The following TMPRSS15 variants were observed in gnomAD, a reference collection of about 807,000 sequenced individuals.
The protein encoded by TMPRSS15 is transmembrane serine protease 15, also known as enteropeptidase.
A neutral mutation model predicts 125.3 loss-of-function variants in TMPRSS15; 128 were observed. That is an observed-to-expected ratio of 1.02 (90% confidence interval 0.89 to 1.18). TMPRSS15 has a LOEUF of 1.18. Among genes scored for constraint, TMPRSS15 ranks in the 50% most tolerant of loss-of-function variants. The pLI is 0.00. For synonymous variants in TMPRSS15, 446 were observed against 423.2 expected (o/e 1.05, Z -0.66); for missense variants, 1,283 against 1,212.7 (o/e 1.06, Z -0.86).
intron 1 of TMPRSS15, among the ~76,000 whole-genome samples, chr21:18,448,107 T>C (rs929494948): frequency 6.6e-6 from 1 of 152,170 alleles, no homozygotes; most frequent in African/African-American, 2.4e-5. Flanking sequence ...GTAATACCAA[T>C]AAACGTATAT....
At chr21:18,353,906 T>TG (rs761716121) in intron 8 of TMPRSS15, 43 bp from the exon 9 acceptor site, 4 of 1,564,948 alleles carry the variant, frequency 2.6e-6, no homozygotes, top group Non-Finnish European at 3.5e-6. Context: ...TATATCTATC[T>TG]GTTCATCTCT....
intron 1 of TMPRSS15, among the ~76,000 whole-genome samples, chr21:18,427,006 C>T (rs1046749783): frequency 2.0e-5 from 3 of 152,064 alleles, no homozygotes; most frequent in Admixed American, 6.6e-5. Context: ...GTGATTAATC[C>T]CTTTTGGTGT....
At chr21:18,356,010 T>A (rs889467329) in intron 8 of TMPRSS15, among the ~76,000 whole-genome samples, 9 of 151,998 alleles carry the variant, frequency 5.9e-5, no homozygotes, top group African/African-American at 1.7e-4. Context: ...AAAGGATGAC[T>A]TTTTTCCTAT....
At chr21:18,480,967 T>C (rs1240630413) in intron 1 of TMPRSS15, among the ~76,000 whole-genome samples, 2 of 151,886 alleles carry the variant, frequency 1.3e-5, no homozygotes, top group Middle Eastern at 3.4e-3. Flanking sequence ...CTAATCAACA[T>C]TGAGTCATTG....
chr21:18,470,119 T>C (rs1216138318), intron 1 of TMPRSS15, among the ~76,000 whole-genome samples: 1 of 152,108 alleles, frequency 6.6e-6, no homozygotes, highest in African/African-American at 2.4e-5. Flanking sequence ...TCAGGAATAC[T>C]GGAGCAAGTC....
At chr21:18,359,544 G>A (rs1279027398) in intron 8 of TMPRSS15, among the ~76,000 whole-genome samples, 1 of 146,308 alleles carries the variant, frequency 6.8e-6, no homozygotes, top group African/African-American at 2.4e-5. Flanking sequence ...TATTAATTAG[G>A]AGAGGACAAT....
intron 21 of TMPRSS15, among the ~76,000 whole-genome samples, chr21:18,293,051 T>G (rs2074857917): frequency 6.6e-6 from 1 of 152,150 alleles, no homozygotes; most frequent in Admixed American, 6.5e-5. Context: ...TTGGCAAACC[T>G]GAGAGCTAGT....
chr21:18,414,547 T>C (rs955753763), intron 1 of TMPRSS15, among the ~76,000 whole-genome samples: 1 of 152,226 alleles, frequency 6.6e-6, no homozygotes, highest in Non-Finnish European at 1.5e-5. Context: ...CATTATTGTA[T>C]TGTCTGCTTC....
intron 16 of TMPRSS15, among the ~76,000 whole-genome samples, chr21:18,315,473 G>A (rs79798227): frequency 7.0e-5 from 5 of 71,138 alleles, no homozygotes; most frequent in South Asian, 6.7e-4. Flanking sequence ...CACATGTACC[G>A]TAGAACTTAA....
Position 18,315,274 on chromosome 21 carries a change from T to C in TMPRSS15, c.1922-18A>G. 1 of 1,587,898 alleles carries C rather than the reference T, an allele frequency of 6.3e-7. No individual in the cohort carries two copies. Among genetic ancestry groups the C allele is most frequent in the Non-Finnish European group, 8.6e-7 (1 of 1,158,156 alleles). On this transcript the variant is annotated intron_variant, in intron 16 of 24. Transcript: ENST00000284885. ...GCATGGCTCTATGGGGAAAGAATGT[T>C]TATTGTATAGGATAAAGAAAACACA...
chr21:18,446,479 C>T (rs2076256026), intron 1 of TMPRSS15, among the ~76,000 whole-genome samples: 2 of 151,940 alleles, frequency 1.3e-5, no homozygotes, highest in African/African-American at 4.8e-5. Flanking sequence ...CACAAAAGAC[C>T]TCAAATAGCC....
intron 14 of TMPRSS15, among the ~76,000 whole-genome samples, chr21:18,331,543 T>A (rs1229552453): frequency 6.6e-6 from 1 of 152,224 alleles, no homozygotes; most frequent in East Asian, 1.9e-4. Flanking sequence ...TTTTTAGTGA[T>A]CTTTCTTATA....
intron 1 of TMPRSS15, among the ~76,000 whole-genome samples, chr21:18,454,712 T>G (rs1978407458): frequency 6.6e-6 from 1 of 152,120 alleles, no homozygotes; most frequent in Admixed American, 6.6e-5. Context: ...GAATTTGCCC[T>G]TCCTCTGCCT....
intron 8 of TMPRSS15, among the ~76,000 whole-genome samples, chr21:18,357,813 T>TACA (rs1472780398): frequency 6.6e-6 from 1 of 151,820 alleles, no homozygotes; most frequent in Non-Finnish European, 1.5e-5. Context: ...CTTGAGTTTC[T>TACA]ACAATACACC....
At chr21:18,389,787 A>G (rs557750567) in intron 3 of TMPRSS15, among the ~76,000 whole-genome samples, 1 of 152,230 alleles carries the variant, frequency 6.6e-6, no homozygotes, top group African/African-American at 2.4e-5. Context: ...TGGTCACTAA[A>G]ACTAAGGATT....
chr21:18,356,641 A>G (rs902992020), intron 8 of TMPRSS15, among the ~76,000 whole-genome samples: 15 of 151,974 alleles, frequency 9.9e-5, no homozygotes, highest in African/African-American at 3.4e-4. Context: ...TTGCTAAAAT[A>G]AACTTTTCCA....
intron 17 of TMPRSS15, among the ~76,000 whole-genome samples, chr21:18,313,428 T>C (rs1012749426): frequency 2.7e-5 from 4 of 150,834 alleles, no homozygotes; most frequent in Non-Finnish European, 1.5e-5. Flanking sequence ...TTTCTATTAA[T>C]ATATATTATA....
At chr21:18,476,966 T>C (rs1255760985) in intron 1 of TMPRSS15, among the ~76,000 whole-genome samples, 1 of 149,394 alleles carries the variant, frequency 6.7e-6, no homozygotes, top group Non-Finnish European at 1.5e-5. Flanking sequence ...CCCATTACAA[T>C]GCATAACACT....
chr21:18,414,642 T>G (rs904097080), intron 1 of TMPRSS15, among the ~76,000 whole-genome samples: 1 of 152,228 alleles, frequency 6.6e-6, no homozygotes, highest in Non-Finnish European at 1.5e-5. Flanking sequence ...TCACTTAGCA[T>G]AATGCCTTCC....
Sources: allele counts gnomAD v4.1 joint callset (sites outside exome capture counted in the v4.1 genomes callset), GRCh38; gene constraint gnomAD v4.1.1; transcripts MANE v1.5; gene names NCBI Gene and HGNC (gene_info 2026-07-23, HGNC 2026-07-21).